ROBO1: variants seen among roughly 807,000 people sequenced by gnomAD.
ROBO1 encodes the protein roundabout homolog 1.
Under a neutral mutation model 195.9 loss-of-function variants are expected in ROBO1, and 149 were observed. The observed-to-expected ratio is 0.76, with a 90% CI of 0.67 to 0.87. The LOEUF (loss-of-function observed/expected upper bound fraction) is 0.87. Ranked by LOEUF, ROBO1 falls within the 40% of genes least tolerant of loss-of-function variation. ROBO1 has a pLI of 0.00. For missense variants in ROBO1, 1,933 were observed against 2,068.3 expected, an observed-to-expected ratio of 0.93 and a Z score of 1.27; for synonymous variants, 816 against 733.2, an observed-to-expected ratio of 1.11 and a Z score of -1.82.
chr3:78,705,212 A>G (rs894113602), intron 8 of ROBO1, among the ~76,000 whole-genome samples: 2 of 152,236 alleles, frequency 1.3e-5, no homozygotes, highest in Admixed American at 1.3e-4. Context: ...GCTATAAAAA[A>G]TGTCAAATCT....
intron 2 of ROBO1, among the ~76,000 whole-genome samples, chr3:79,212,547 C>T (rs1362148815): frequency 1.3e-5 from 2 of 152,044 alleles, no homozygotes; most frequent in Admixed American, 6.6e-5. Context: ...CTAGGCTGGG[C>T]GTGGTGGCTA....
chr3:78,685,770 T>C lies in ROBO1; in HGVS notation c.1318A>G (p.Lys440Glu). The stretch of plus-strand genomic sequence containing the variant: ...CCATCTGTAACTTCCAAATATGCCT[T>C]TGTGATGATGCTTCCAGCAACATTT... ...TLNVAGSIIT[K>E]AYLEVTDVIA... The change falls in exon 10 of 31, where the codon AAG becomes GAG. Residue 440 changes from lysine (K) to glutamate (E), a missense_variant. Lys to Glu is a moderately conservative substitution (Grantham distance 56). Coordinates refer to ENST00000464233, the MANE Select transcript of ROBO1 (RefSeq NM_002941.4). 2 of 1,609,652 alleles carry C rather than the reference T, an allele frequency of 1.2e-6. No homozygotes were observed. Among genetic ancestry groups the C allele is most frequent in the Non-Finnish European group, 1.7e-6 (2 of 1,177,114 alleles).
At position 79,422,180 on chromosome 3, in the gene ROBO1, ATAT is replaced by A. The variant is rs1333233525; in HGVS notation, c.88+167641_88+167643del. Among the ~76,000 whole-genome samples, 155 of 148,310 alleles carry A rather than the reference ATAT, an allele frequency of 1.0e-3. 2 individuals carry two copies. The highest frequency in any genetic ancestry group is 9.5e-4 in the Non-Finnish European group (64 of 67,282). On this transcript the variant is annotated intron_variant, in intron 2 of 30. Transcript: ENST00000464233. ...ATACAATACATATCTTATGTATTAT[ATAT>A]TATATTATATATTTTGTATCATATT...
Position 79,001,579 on chromosome 3 carries a change from G to C in ROBO1, c.173-62652C>G, listed in dbSNP as rs1343267322. Among the ~76,000 whole-genome samples the C allele has an allele frequency of 3.9e-5, 6 of 152,068 alleles. No homozygotes were observed. The South Asian group carries it at 8.3e-4, about 21-fold the overall frequency. On this transcript the variant is annotated intron_variant, in intron 3 of 30. Coordinates refer to ENST00000464233, the MANE Select transcript of ROBO1 (RefSeq NM_002941.4). ...TAAAGGTTATATAAATTATCCTAAA[G>C]AATAGAAGAGAGTTTCACTGTACTT... is the stretch of plus-strand genomic sequence containing the variant.
chr3:79,535,084 T>C (rs1941806557), intron 2 of ROBO1, among the ~76,000 whole-genome samples: 2 of 152,136 alleles, frequency 1.3e-5, no homozygotes, highest in African/African-American at 4.8e-5. Flanking sequence ...TATTTTTTTT[T>C]AGTTCACTAT....
chr3:79,415,053 C>G (rs1477449842), intron 2 of ROBO1, among the ~76,000 whole-genome samples: 1 of 152,162 alleles, frequency 6.6e-6, no homozygotes, highest in Non-Finnish European at 1.5e-5. Context: ...CTCATTCTTC[C>G]TAAGTGAAAC....
intron 1 of ROBO1, among the ~76,000 whole-genome samples, chr3:79,636,997 ACAGAAAGGCTAACC>A (rs1170159686): frequency 1.3e-5 from 2 of 152,352 alleles, no homozygotes; most frequent in South Asian, 2.1e-4. Flanking sequence ...TAAACATGAA[ACAGAAAGGCTAACC>A]CATAACATGT....
intron 3 of ROBO1, among the ~76,000 whole-genome samples, chr3:79,007,272 T>A (rs1365669269): frequency 1.3e-5 from 2 of 152,000 alleles, no homozygotes; most frequent in Non-Finnish European, 2.9e-5. Flanking sequence ...GGAATTAGAG[T>A]TAGGTTTTAG....
chr3:78,996,715 A>AAC lies in ROBO1; in HGVS notation c.173-57790_173-57789dup, dbSNP rs113443642. Among the ~76,000 whole-genome samples, 617 of 151,012 alleles carry AAC rather than the reference A, an allele frequency of 4.1e-3. 5 individuals carry two copies. Among genetic ancestry groups the AAC allele is most frequent in the African/African-American group, 0.014 (577 of 41,248 alleles). On this transcript the variant is annotated intron_variant, in intron 3 of 30. Coordinates refer to ENST00000464233, the MANE Select transcript of ROBO1 (RefSeq NM_002941.4). Reference sequence around the variant, plus strand: ...ACACATGCACACATACACACACACAAACACACACACACACACCCCTTTTGA... The same window carrying AAC: ...ACACATGCACACATACACACACACAAACACACACACACACACACCCCTTTTGA...
chr3:79,679,914 A>C (rs1313712637), intron 1 of ROBO1, among the ~76,000 whole-genome samples: 1 of 152,068 alleles, frequency 6.6e-6, no homozygotes, highest in Non-Finnish European at 1.5e-5. Context: ...AATGTTCTTG[A>C]GTTTAATGAC....
intron 2 of ROBO1, among the ~76,000 whole-genome samples, chr3:79,326,796 C>A (rs370400119): frequency 2.0e-5 from 3 of 152,030 alleles, no homozygotes; most frequent in Non-Finnish European, 4.4e-5. Flanking sequence ...AAGATTATTG[C>A]GTAATTTTGT....
intron 3 of ROBO1, among the ~76,000 whole-genome samples, chr3:79,046,543 G>T (rs1201929601): frequency 6.6e-6 from 1 of 152,058 alleles, no homozygotes; most frequent in East Asian, 1.9e-4. Context: ...GCAAGCTGAG[G>T]AGCAAGGAGA....
At chr3:78,853,575 G>A (rs1388465081) in intron 4 of ROBO1, among the ~76,000 whole-genome samples, 3 of 151,876 alleles carry the variant, frequency 2.0e-5, no homozygotes, top group Non-Finnish European at 4.4e-5. Flanking sequence ...CAGTCTAGAT[G>A]TTGCTATAAA....
intron 2 of ROBO1, among the ~76,000 whole-genome samples, chr3:79,385,522 C>T (rs116328288): frequency 0.014 from 2,088 of 152,120 alleles, 44 homozygotes; most frequent in African/African-American, 0.048. Flanking sequence ...GTTATCTTTC[C>T]GCAAGACCAG....
At chr3:79,637,773 G>GTGA (rs1945539128) in intron 1 of ROBO1, among the ~76,000 whole-genome samples, 1 of 152,068 alleles carries the variant, frequency 6.6e-6, no homozygotes, top group Non-Finnish European at 1.5e-5. Flanking sequence ...TTTGTCAAAG[G>GTGA]TGATAGAGCT....
At chr3:78,603,274 G>T (rs1004854313) in intron 29 of ROBO1, among the ~76,000 whole-genome samples, 4 of 151,932 alleles carry the variant, frequency 2.6e-5, no homozygotes, top group Admixed American at 6.6e-5. Flanking sequence ...TCCCTCAATA[G>T]ACCTTCGGGC....
chr3:79,659,611 G>GA (rs200081511), intron 1 of ROBO1, among the ~76,000 whole-genome samples: 53 of 142,362 alleles, frequency 3.7e-4, no homozygotes, highest in Admixed American at 1.5e-3. Context: ...CCAGAGTTCA[G>GA]AAAAAAAAAA....
chr3:79,372,898 T>A (rs543563520), intron 2 of ROBO1, among the ~76,000 whole-genome samples: 1 of 152,254 alleles, frequency 6.6e-6, no homozygotes, highest in Admixed American at 6.5e-5. Flanking sequence ...ATTTTTTTTT[T>A]TATCTTCTTT....
rs116716530 is a variant in ROBO1, at chr3:78,887,478, C to T, written c.499+51123G>A. The stretch of plus-strand genomic sequence containing the variant: ...GATTTCCCAGAAATGACAGCTGAGC[C>T]GATACTTAAAGCATGAGCTAAATTT... On this transcript the variant is annotated intron_variant, in intron 4 of 30. Coordinates refer to ENST00000464233, the MANE Select transcript of ROBO1 (RefSeq NM_002941.4). Among the ~76,000 whole-genome samples the T allele has an allele frequency of 2.8e-3, 430 of 152,186 alleles. 5 individuals are homozygous for T. Among genetic ancestry groups the T allele is most frequent in the African/African-American group, 9.6e-3 (398 of 41,510 alleles).
Sources: allele counts gnomAD v4.1 joint callset (sites outside exome capture counted in the v4.1 genomes callset), GRCh38; gene constraint gnomAD v4.1.1; transcripts MANE v1.5; gene names NCBI Gene and HGNC (gene_info 2026-07-23, HGNC 2026-07-21).